Variants in RHEB observed in about 807,000 individuals in gnomAD.
RHEB encodes Ras homolog, mTORC1 binding.
Under a neutral mutation model 28.8 loss-of-function variants are expected in RHEB, and 2 were observed. The ratio of observed to expected loss-of-function variants is 0.07; its 90% CI spans 0.03 to 0.22. The LOEUF (loss-of-function observed/expected upper bound fraction) is 0.22. Among genes scored for constraint, RHEB ranks in the 10% least tolerant of loss-of-function variants. The pLI is 1.00. For synonymous variants in RHEB, 69 were observed against 77.3 expected, an observed-to-expected ratio of 0.89 and a Z score of 0.56; for missense variants, 76 against 219.9, an observed-to-expected ratio of 0.35 and a Z score of 4.14.
chr7:151,490,779 A>C (rs1259493450), intron 2 of RHEB, among the ~76,000 whole-genome samples, 164 bp downstream of exon 2: 1 of 152,224 alleles, frequency 6.6e-6, no homozygotes, highest in Non-Finnish European at 1.5e-5. Context: ...GGAAGGAAAA[A>C]TCTTTCAGGG....
rs1012949599 is a variant in RHEB at position 151,503,324 on chromosome 7, T to C, written c.53-12310A>G. On this transcript the variant is annotated intron_variant, in intron 1 of 7. Coordinates refer to ENST00000262187, the MANE Select transcript of RHEB (RefSeq NM_005614.4). The stretch of plus-strand genomic sequence containing the variant: ...AAAAAATTTGGAGCTATGTTGGAAA[T>C]GATCACAGATAAAATGCAAGACGGG... 5 of 840,096 alleles carry C rather than the reference T, an allele frequency of 6.0e-6. No homozygotes were observed. In the Admixed American group the frequency reaches 6.8e-5, roughly 11 times the overall value. The allele number at this position is 840,096 out of a possible 1,614,324, so 52.0% of individuals were successfully genotyped here. A position where few individuals can be genotyped will look rare whatever the true frequency, so the allele number is the denominator to read the frequency against.
intron 2 of RHEB, among the ~76,000 whole-genome samples, chr7:151,487,745 G>A (rs1201055593): frequency 6.6e-6 from 1 of 152,128 alleles, no homozygotes; most frequent in Non-Finnish European, 1.5e-5. Flanking sequence ...GTGGAAAGCT[G>A]GCTTTCTTCT....
At position 151,468,485 on chromosome 7, in the gene RHEB, G is replaced by A. The variant is rs983921919; in HGVS notation, c.463-1274C>T. 3.3e-5 allele frequency among the ~76,000 whole-genome samples: 5 copies of A among 152,288 alleles called. No homozygotes were observed. The highest frequency in any genetic ancestry group is 3.9e-4 in the East Asian group (2 of 5,182). On this transcript the variant is annotated intron_variant, in intron 7 of 7. Coordinates refer to ENST00000262187, the MANE Select transcript of RHEB (RefSeq NM_005614.4). The surrounding 1 kb of genome is among the most constrained non-coding windows in gnomAD (Gnocchi z 4.3). ...TCACACCCATGACCAGGAACCTGGC[G>A]CAGACACTTGGTGCTGCCTAGCCAC...
intron 2 of RHEB, among the ~76,000 whole-genome samples, chr7:151,487,192 A>G (rs1802492339): frequency 6.6e-6 from 1 of 152,212 alleles, no homozygotes; most frequent in Non-Finnish European, 1.5e-5. Flanking sequence ...AGTCCTAGCT[A>G]CTTGTGAGGC....
intron 3 of RHEB, among the ~76,000 whole-genome samples, chr7:151,483,169 G>A (rs1424950488): frequency 6.6e-6 from 1 of 152,194 alleles, no homozygotes; most frequent in Non-Finnish European, 1.5e-5. Context: ...CTTCCAAAAT[G>A]GAAACCTCAG....
chr7:151,501,612 G>A (rs992598137), intron 1 of RHEB, among the ~76,000 whole-genome samples: 1 of 152,138 alleles, frequency 6.6e-6, no homozygotes, highest in Non-Finnish European at 1.5e-5. Context: ...GAAGACAAAC[G>A]AAAATTTATG....
At chr7:151,491,941 C>T (rs1802590006) in intron 1 of RHEB, among the ~76,000 whole-genome samples, 2 of 152,204 alleles carry the variant, frequency 1.3e-5, no homozygotes, top group Non-Finnish European at 2.9e-5. Flanking sequence ...TCTCACTCTT[C>T]TGCTACCTAA....
chr7:151,516,028 A>G (rs1475111437), intron 1 of RHEB, among the ~76,000 whole-genome samples: 1 of 138,070 alleles, frequency 7.2e-6, no homozygotes, highest in Non-Finnish European at 1.6e-5. Flanking sequence ...AAGACAGTTT[A>G]CGTAACACTA....
chr7:151,487,513 T>C (rs957251551), intron 2 of RHEB, among the ~76,000 whole-genome samples: 1 of 148,558 alleles, frequency 6.7e-6, no homozygotes, highest in South Asian at 2.1e-4. Flanking sequence ...TCATTGTACA[T>C]AGTGTATAAA....
At chr7:151,471,526 G>A (rs1232482199) in intron 5 of RHEB, 23 bp downstream of exon 5, 6 of 1,583,054 alleles carry the variant, frequency 3.8e-6, no homozygotes, top group African/African-American at 1.4e-5. Flanking sequence ...TCTCTAACAA[G>A]CAGATAAAAT....
intron 1 of RHEB, among the ~76,000 whole-genome samples, chr7:151,494,967 C>T (rs1368309423): frequency 6.6e-6 from 1 of 152,146 alleles, no homozygotes; most frequent in Non-Finnish European, 1.5e-5. Flanking sequence ...TTCTCAGTTC[C>T]AGTTGTAATT....
At chr7:151,491,405 T>G (rs546354850) in intron 1 of RHEB, among the ~76,000 whole-genome samples, 1 of 152,226 alleles carries the variant, frequency 6.6e-6, no homozygotes, top group Non-Finnish European at 1.5e-5. Flanking sequence ...TTCATTCATA[T>G]ATGACGGTTA....
intron 3 of RHEB, among the ~76,000 whole-genome samples, 177 bp downstream of exon 3, chr7:151,484,560 G>A (rs1219023137): frequency 1.3e-5 from 2 of 152,224 alleles, no homozygotes; most frequent in Non-Finnish European, 2.9e-5. Context: ...TAGACCCATC[G>A]TAAAGATGAG....
chr7:151,483,190 A>G (rs181868982), intron 3 of RHEB, among the ~76,000 whole-genome samples: 1 of 152,322 alleles, frequency 6.6e-6, no homozygotes, highest in East Asian at 1.9e-4. Flanking sequence ...GGTTCCTCCA[A>G]TGCTAACATC....
intron 1 of RHEB, chr7:151,503,434 G>C: frequency 4.2e-6 from 5 of 1,192,064 alleles, no homozygotes; most frequent in Non-Finnish European, 6.3e-6. Context: ...CCAAGGAGGA[G>C]ACAATGAATT....
intron 1 of RHEB, chr7:151,503,569 A>G: frequency 1.8e-6 from 1 of 544,896 alleles, no homozygotes; most frequent in Non-Finnish European, 3.3e-6. Context: ...ACACTTCCAG[A>G]ACTTTATCCA....
intron 1 of RHEB, among the ~76,000 whole-genome samples, chr7:151,495,209 G>A (rs774132039): frequency 2.0e-5 from 3 of 152,082 alleles, no homozygotes; most frequent in Non-Finnish European, 2.9e-5. Context: ...TCAACTCTTT[G>A]GAAAAATGTT....
intron 1 of RHEB, 100 bp from the exon 2 acceptor site, chr7:151,491,114 G>A: frequency 1.4e-6 from 1 of 729,742 alleles, no homozygotes; most frequent in South Asian, 1.7e-5. Context: ...TGAAGACACT[G>A]AAGGTATCAG....
chr7:151,481,060 A>G (rs1276400049), intron 3 of RHEB, among the ~76,000 whole-genome samples: 1 of 152,146 alleles, frequency 6.6e-6, no homozygotes, highest in Admixed American at 6.5e-5. Flanking sequence ...TAGGATATAA[A>G]TAACTCCCAC....
Sources: gnomAD v4.1 joint callset for allele counts (sites outside exome capture counted in the v4.1 genomes callset) on GRCh38, gnomAD v4.1.1 for gene constraint, Gnocchi (gnomAD v3.1) non-coding constraint, MANE v1.5 for transcripts, NCBI Gene and HGNC (gene_info 2026-07-23, HGNC 2026-07-21) for gene names.